Variants in BMPR2 observed in about 807,000 individuals in gnomAD.
The protein encoded by BMPR2 is bone morphogenetic protein receptor type-2.
A neutral mutation model predicts 100.8 loss-of-function variants in BMPR2; 29 were observed. The observed-to-expected ratio is 0.29, with a 90% CI of 0.21 to 0.39. The LOEUF is 0.39. Among genes scored for constraint, BMPR2 ranks in the 10% least tolerant of loss-of-function variants. The pLI is 1.00. For missense variants in BMPR2, 1,011 were observed against 1,274.5 expected, an observed-to-expected ratio of 0.79 and a Z score of 3.15; for synonymous variants, 382 against 442.3, an observed-to-expected ratio of 0.86 and a Z score of 1.71.
At chr2:202,491,062 C>T (rs745514838) in intron 3 of BMPR2, among the ~76,000 whole-genome samples, 39 of 152,050 alleles carry the variant, frequency 2.6e-4, no homozygotes, top group Non-Finnish European at 1.2e-4. Context: ...GCTGGGATTA[C>T]AGGCATGCAC....
Position 202,520,185 on chromosome 2 carries a change from A to G in BMPR2, c.951A>G (p.Thr317=). 6.2e-7 allele frequency: 1 copy of G among 1,612,370 alleles called. No individual in the cohort carries two copies. Among genetic ancestry groups the G allele is most frequent in the East Asian group, 2.2e-5 (1 of 44,846 alleles). The change falls in exon 7 of 13, where the codon ACA becomes ACG. Residue 317 remains threonine (T), a synonymous_variant. Coordinates refer to ENST00000374580, the MANE Select transcript of BMPR2 (RefSeq NM_001204.7). ...CTAGAGGACTGGCTTATCTTCACAC[A>G]GAATTACCACGAGGAGGTAAGATAG... ...SVTRGLAYLH[T]ELPRGDHYKP...
chr2:202,396,814 AG>A (rs1386787024), intron 1 of BMPR2, among the ~76,000 whole-genome samples: 1 of 150,372 alleles, frequency 6.7e-6, no homozygotes, highest in African/African-American at 2.4e-5. Flanking sequence ...TTTGAAACGG[AG>A]TTTCGGAGTT....
chr2:202,395,733 C>T (rs556736956), intron 1 of BMPR2, among the ~76,000 whole-genome samples: 2 of 152,138 alleles, frequency 1.3e-5, no homozygotes, highest in African/African-American at 4.8e-5. Context: ...GTTGGGAGTT[C>T]GAGACCATCC....
chr2:202,459,617 G>A (rs1692187036), intron 1 of BMPR2, among the ~76,000 whole-genome samples: 1 of 152,052 alleles, frequency 6.6e-6, no homozygotes, highest in African/African-American at 2.4e-5. Context: ...GTATTAGTTT[G>A]CTAAGGATAA....
chr2:202,501,688 T>C (rs564170932), intron 3 of BMPR2, among the ~76,000 whole-genome samples: 1 of 152,328 alleles, frequency 6.6e-6, no homozygotes, highest in African/African-American at 2.4e-5. Flanking sequence ...TCTGGATTAC[T>C]CATGATGTAA....
intron 1 of BMPR2, among the ~76,000 whole-genome samples, chr2:202,455,623 ACTC>A (rs1423114128): frequency 6.6e-6 from 1 of 151,980 alleles, no homozygotes; most frequent in East Asian, 1.9e-4. Context: ...ATTATAATGA[ACTC>A]CTTTAAGAAG....
intron 3 of BMPR2, among the ~76,000 whole-genome samples, chr2:202,480,977 A>AT (rs1692648687): frequency 6.6e-6 from 1 of 151,640 alleles, no homozygotes; most frequent in African/African-American, 2.4e-5. Context: ...AAAAAAAAAA[A>AT]AAATCAATTG....
chr2:202,390,793 T>A (rs1690531690), intron 1 of BMPR2, among the ~76,000 whole-genome samples: 1 of 152,122 alleles, frequency 6.6e-6, no homozygotes, highest in Non-Finnish European at 1.5e-5. Flanking sequence ...TTCTCTGAAT[T>A]GCCTATTCTA....
At chr2:202,527,233 A>C (rs1274200979) in intron 7 of BMPR2, among the ~76,000 whole-genome samples, 1 of 152,138 alleles carries the variant, frequency 6.6e-6, no homozygotes, top group Non-Finnish European at 1.5e-5. Flanking sequence ...CAAGGCTGTA[A>C]TCCCAGCACT....
chr2:202,550,753 T>A (rs1688461472), intron 10 of BMPR2, among the ~76,000 whole-genome samples: 1 of 151,872 alleles, frequency 6.6e-6, no homozygotes. Flanking sequence ...CAGTAACCTG[T>A]GATCATGCCA....
At chr2:202,498,942 G>A (rs970844396) in intron 3 of BMPR2, among the ~76,000 whole-genome samples, 3 of 152,234 alleles carry the variant, frequency 2.0e-5, no homozygotes, top group Admixed American at 6.5e-5. Flanking sequence ...CCCACAGGAG[G>A]ACCTCTCAGC....
intron 7 of BMPR2, among the ~76,000 whole-genome samples, chr2:202,527,463 T>G (rs1022857372): frequency 6.7e-6 from 1 of 149,922 alleles, no homozygotes; most frequent in Non-Finnish European, 1.5e-5. Flanking sequence ...CACTCCAGCC[T>G]GGGCGACGGA....
At chr2:202,456,823 A>G (rs980126226) in intron 1 of BMPR2, among the ~76,000 whole-genome samples, 1 of 152,058 alleles carries the variant, frequency 6.6e-6, no homozygotes, top group Admixed American at 6.6e-5. Flanking sequence ...ACTGTATAGC[A>G]CTTTTCAAAG....
At chr2:202,386,475 A>C (rs1690428637) in intron 1 of BMPR2, among the ~76,000 whole-genome samples, 2 of 152,088 alleles carry the variant, frequency 1.3e-5, no homozygotes, top group South Asian at 4.2e-4. Context: ...ATTCTTATCC[A>C]ATCTGATAGC....
intron 9 of BMPR2, among the ~76,000 whole-genome samples, chr2:202,541,023 G>C (rs1688259873): frequency 6.6e-6 from 1 of 152,026 alleles, no homozygotes; most frequent in Non-Finnish European, 1.5e-5. Context: ...ATCATATTTT[G>C]TAAAAATCAA....
At chr2:202,382,059 T>G (rs1266958827) in intron 1 of BMPR2, among the ~76,000 whole-genome samples, 2 of 114,648 alleles carry the variant, frequency 1.7e-5, no homozygotes, top group African/African-American at 3.1e-5. Flanking sequence ...TTTGTTTTTG[T>G]TTTTTTTTTT....
chr2:202,470,115 G>A (rs537403266), intron 3 of BMPR2, among the ~76,000 whole-genome samples: 6 of 151,226 alleles, frequency 4.0e-5, no homozygotes, highest in East Asian at 4.0e-4. Flanking sequence ...AGACTGAGGC[G>A]GGCAGATCAC....
At chr2:202,477,487 A>G (rs1402178622) in intron 3 of BMPR2, among the ~76,000 whole-genome samples, 2 of 152,054 alleles carry the variant, frequency 1.3e-5, no homozygotes, top group Admixed American at 6.6e-5. Context: ...TCTTTCATAC[A>G]CAGAAAAAAA....
chr2:202,525,782 A>G (rs978762876), intron 7 of BMPR2, among the ~76,000 whole-genome samples: 9 of 147,244 alleles, frequency 6.1e-5, no homozygotes, highest in African/African-American at 1.8e-4. Context: ...TTTCAGAGCT[A>G]TGTAGTTATA....
Sources: allele counts gnomAD v4.1 joint callset (sites outside exome capture counted in the v4.1 genomes callset), GRCh38; gene constraint gnomAD v4.1.1; transcripts MANE v1.5; gene names NCBI Gene and HGNC (gene_info 2026-07-23, HGNC 2026-07-21).